LARP4: variants seen among roughly 807,000 people sequenced by gnomAD.
LARP4 encodes La ribonucleoprotein 4.
Under a neutral mutation model 92.9 loss-of-function variants are expected in LARP4, and 29 were observed. The observed-to-expected ratio is 0.31, with a 90% CI of 0.23 to 0.43. The LOEUF is 0.43. Ranked by LOEUF, LARP4 falls within the 20% of genes least tolerant of loss-of-function variation. The pLI is 1.00. For missense variants in LARP4, 732 were observed against 860.0 expected, an observed-to-expected ratio of 0.85 and a Z score of 1.86; for synonymous variants, 279 against 284.1, an observed-to-expected ratio of 0.98 and a Z score of 0.18.
At chr12:50,458,498 G>T (rs115658826) in intron 10 of LARP4, among the ~76,000 whole-genome samples, 2 of 152,130 alleles carry the variant, frequency 1.3e-5, no homozygotes, top group Non-Finnish European at 2.9e-5. Flanking sequence ...TAGAGATGCT[G>T]TGGGAATTTA....
In LARP4 at chr12:50,474,127, G is replaced by A. The variant is rs200379125; in HGVS notation, c.1796G>A (p.Cys599Tyr). The A allele has an allele frequency of 6.4e-5, 104 of 1,613,004 alleles. No homozygotes were observed. The highest frequency in any genetic ancestry group is 1.7e-4 in the Middle Eastern group (1 of 5,884). The stretch of plus-strand genomic sequence containing the variant: ...TCGAGGGCAAGTACTGCTTCACCAT[G>A]TAATAATAACATAAATGCAGCTACA... ...KPSRASTASP[C>Y]NNNINAATAV... Residue 599 changes from cysteine to tyrosine, a missense_variant, in exon 15 of 16, where the codon TGT becomes TAT. Cys to Tyr is a radical substitution (Grantham distance 194). This residue lies in a region of LARP4 where 97 missense variants were observed against 85.9 expected (regional missense o/e 1.13). Transcript: ENST00000398473.
chr12:50,427,164 A>G (rs1948923938), intron 1 of LARP4, among the ~76,000 whole-genome samples: 1 of 152,184 alleles, frequency 6.6e-6, no homozygotes, highest in Non-Finnish European at 1.5e-5. Flanking sequence ...TCTTGTGATA[A>G]AATTTCTAGT....
intron 13 of LARP4, among the ~76,000 whole-genome samples, chr12:50,470,870 C>T (rs1382976607): frequency 6.6e-6 from 1 of 152,158 alleles, no homozygotes; most frequent in Admixed American, 6.5e-5. Context: ...TTTGTGATAG[C>T]AATTTTCTTG....
At chr12:50,439,277 AATAC>A (rs1408006095) in intron 6 of LARP4, among the ~76,000 whole-genome samples, 1 of 152,158 alleles carries the variant, frequency 6.6e-6, no homozygotes, top group Non-Finnish European at 1.5e-5. Context: ...TCATATTCTG[AATAC>A]ATAAAGAGTT....
At chr12:50,401,602 G>C (rs2136151942) in intron 1 of LARP4, among the ~76,000 whole-genome samples, 1 of 152,342 alleles carries the variant, frequency 6.6e-6, no homozygotes, top group South Asian at 2.1e-4. Flanking sequence ...TTGAATCGAG[G>C]AGAAGCCAGT....
rs1040562027 is a variant in LARP4 at position 50,421,261 on chromosome 12, A to ACT, written c.19-6500_19-6499dup. 9 of 984,518 alleles carry ACT rather than the reference A, an allele frequency of 9.1e-6. No homozygotes were observed. In the African/African-American group the frequency reaches 1.6e-4, roughly 17 times the overall value. The allele number at this position is 984,518 out of a possible 1,614,324, so 61.0% of individuals were successfully genotyped here. On this transcript the variant is annotated intron_variant, in intron 1 of 15. Coordinates refer to ENST00000398473, the MANE Select transcript of LARP4 (RefSeq NM_052879.5). The stretch of plus-strand genomic sequence containing the variant: ...ACCGTACCCAGCCGGCTTTTAACGT[A>ACT]CTGTAATATGCTCTGGTTTGAAAAA...
chr12:50,402,529 A>G lies in LARP4; in HGVS notation c.18+1501A>G, dbSNP rs866002927. 9.9e-5 allele frequency: 21 copies of G among 213,010 alleles called. No individual in the cohort carries two copies. In the Middle Eastern group the frequency reaches 7.5e-3, roughly 76 times the overall value. The allele number at this position is 213,010 out of a possible 1,614,324, so 13.2% of individuals were successfully genotyped here. Reference sequence around the variant, plus strand: ...GGGCAGAAGAAAGATTGTGAAGTTTATATTGACAGGAACTCCACAATATAC... The same window carrying G: ...GGGCAGAAGAAAGATTGTGAAGTTTGTATTGACAGGAACTCCACAATATAC... On this transcript the variant is annotated intron_variant, in intron 1 of 15. Coordinates refer to ENST00000398473, the MANE Select transcript of LARP4 (RefSeq NM_052879.5).
At chr12:50,467,381 C>T (rs1478646464) in intron 13 of LARP4, among the ~76,000 whole-genome samples, 1 of 151,694 alleles carries the variant, frequency 6.6e-6, no homozygotes, top group East Asian at 1.9e-4. Context: ...ACCTCTACCT[C>T]CTTGGTTCAA....
intron 2 of LARP4, 94 bp downstream of exon 2, chr12:50,428,003 T>TC: frequency 2.2e-6 from 2 of 926,754 alleles, no homozygotes; most frequent in Admixed American, 2.8e-5. Flanking sequence ...CTTTTTTTTT[T>TC]TTTTTTTTTT....
intron 1 of LARP4, among the ~76,000 whole-genome samples, chr12:50,424,609 C>T (rs562293805): frequency 3.9e-5 from 6 of 152,002 alleles, no homozygotes; most frequent in Non-Finnish European, 7.4e-5. Context: ...CCACCCACCT[C>T]GGCCTTCCAA....
At chr12:50,468,951 TG>T (rs751623388) in intron 13 of LARP4, among the ~76,000 whole-genome samples, 10 of 152,128 alleles carry the variant, frequency 6.6e-5, no homozygotes, top group Non-Finnish European at 1.2e-4. Context: ...GCTATGTTCC[TG>T]GGCCTTCTCT....
At position 50,426,684 on chromosome 12, in the gene LARP4, GGTGTGTGTGTGTGTGTGTGTGT is replaced by G. The variant is rs762987529; in HGVS notation, c.19-1052_19-1031del. Among the ~76,000 whole-genome samples, 105 of 86,162 alleles carry G rather than the reference GGTGTGTGTGTGTGTGTGTGTGT, an allele frequency of 1.2e-3. 1 individual carries two copies. The highest frequency in any genetic ancestry group is 0.018 in the Middle Eastern group (2 of 112). 56.5% of individuals were successfully genotyped at this position (86,162 alleles called of 152,430 possible). A position where few individuals can be genotyped will look rare whatever the true frequency, so the allele number is the denominator to read the frequency against. On this transcript the variant is annotated intron_variant, in intron 1 of 15. Transcript: ENST00000398473. ...GCATGGAACAGGGCATTATGTTTGG[GGTGTGTGTGTGTGTGTGTGTGT>G]GTGTGTGTGTGTGTGTGTGTGTGTG...
chr12:50,443,180 C>T (rs1450291472), intron 8 of LARP4, among the ~76,000 whole-genome samples: 1 of 152,196 alleles, frequency 6.6e-6, no homozygotes, highest in African/African-American at 2.4e-5. Flanking sequence ...TTCTATTCTT[C>T]TGCAACTTCT....
intron 1 of LARP4, among the ~76,000 whole-genome samples, chr12:50,425,602 G>C (rs1194069035): frequency 6.6e-6 from 1 of 152,160 alleles, no homozygotes; most frequent in Non-Finnish European, 1.5e-5. Flanking sequence ...ATCACCCTTA[G>C]GGGTGGTCTT....
At chr12:50,408,636 A>G (rs1420063111) in intron 1 of LARP4, among the ~76,000 whole-genome samples, 1 of 152,116 alleles carries the variant, frequency 6.6e-6, no homozygotes, top group South Asian at 2.1e-4. Flanking sequence ...CTTACCTGCT[A>G]TTTTGCCCTG....
chr12:50,424,838 T>A (rs1486933980), intron 1 of LARP4, among the ~76,000 whole-genome samples: 3 of 152,036 alleles, frequency 2.0e-5, no homozygotes, highest in Non-Finnish European at 4.4e-5. Context: ...ATTGTGTGTT[T>A]AGATAATGAT....
chr12:50,425,902 A>G (rs1424161744), intron 1 of LARP4, among the ~76,000 whole-genome samples: 1 of 152,042 alleles, frequency 6.6e-6, no homozygotes, highest in East Asian at 1.9e-4. Flanking sequence ...CCCCTTGCCC[A>G]TTTCCTCCTT....
chr12:50,408,511 C>T (rs945032762), intron 1 of LARP4, among the ~76,000 whole-genome samples: 6 of 152,122 alleles, frequency 3.9e-5, no homozygotes, highest in East Asian at 1.9e-4. Context: ...AAGGATTTCT[C>T]GTCAGGGTAG....
intron 10 of LARP4, among the ~76,000 whole-genome samples, chr12:50,460,871 A>T (rs1300434805): frequency 6.6e-6 from 1 of 152,114 alleles, no homozygotes; most frequent in Non-Finnish European, 1.5e-5. Flanking sequence ...TGAACCCGGA[A>T]GGCAGAGCTT....
Sources: allele counts gnomAD v4.1 joint callset (sites outside exome capture counted in the v4.1 genomes callset), GRCh38; gene constraint gnomAD v4.1.1; regional missense constraint gnomAD v4.1.1; transcripts MANE v1.5; gene names NCBI Gene and HGNC (gene_info 2026-07-23, HGNC 2026-07-21).